Variants in CCZ1B observed in about 807,000 individuals in gnomAD.
The protein encoded by CCZ1B is vacuolar fusion protein CCZ1 homolog B.
A neutral mutation model predicts 58.8 loss-of-function variants in CCZ1B; 25 were observed. The ratio of observed to expected loss-of-function variants is 0.43; its 90% confidence interval spans 0.31 to 0.59. The LOEUF (loss-of-function observed/expected upper bound fraction) is 0.59, where lower values mean the gene tolerates loss of function less well. Ranked by LOEUF, CCZ1B falls within the 20% of genes least tolerant of loss-of-function variation. The pLI is 0.12. For synonymous variants in CCZ1B, 66 were observed against 173.2 expected, an observed-to-expected ratio of 0.38 and a Z score of 4.86; for missense variants, 180 against 501.5, an observed-to-expected ratio of 0.36 and a Z score of 6.12.
At chr7:6,801,768 G>GT (rs1782771088) in intron 12 of CCZ1B, among the ~76,000 whole-genome samples, 1 of 52,670 alleles carries the variant, frequency 1.9e-5, no homozygotes, top group Non-Finnish European at 3.5e-5. Flanking sequence ...TAGAGACGGG[G>GT]TTTCACCATG....
At chr7:6,820,941 C>T (rs952772438) in intron 6 of CCZ1B, among the ~76,000 whole-genome samples, 4 of 148,700 alleles carry the variant, frequency 2.7e-5, no homozygotes, top group African/African-American at 7.6e-5. Flanking sequence ...AATTAACTCC[C>T]TGCCTTAATG....
intron 7 of CCZ1B, among the ~76,000 whole-genome samples, chr7:6,816,122 G>T (rs1193006398): frequency 6.8e-6 from 1 of 147,630 alleles, no homozygotes; most frequent in Non-Finnish European, 1.5e-5. Context: ...TCTGGAACCG[G>T]TTTTTTAAAA....
intron 7 of CCZ1B, 100 bp downstream of exon 7, chr7:6,819,666 C>T (rs1157074263): frequency 5.0e-5 from 33 of 663,802 alleles, no homozygotes; most frequent in East Asian, 1.1e-4. Flanking sequence ...CCATCCTCCC[C>T]GCTGCAAGTT....
intron 7 of CCZ1B, among the ~76,000 whole-genome samples, chr7:6,818,500 G>C (rs1163389158): frequency 2.0e-5 from 3 of 149,024 alleles, no homozygotes; most frequent in Non-Finnish European, 3.0e-5. Context: ...AGTGAGCCAA[G>C]ATCGCGCCAC....
At chr7:6,819,123 GAAAAAA>G (rs1173368085) in intron 7 of CCZ1B, among the ~76,000 whole-genome samples, 2 of 65,658 alleles carry the variant, frequency 3.0e-5, no homozygotes, top group African/African-American at 6.7e-5. Flanking sequence ...ATCTCTATAA[GAAAAAA>G]AAAAAAAAAA....
At chr7:6,818,148 G>A (rs1202793156) in intron 7 of CCZ1B, among the ~76,000 whole-genome samples, 4 of 149,868 alleles carry the variant, frequency 2.7e-5, no homozygotes, top group African/African-American at 1.0e-4. Context: ...TTAAAATGGA[G>A]CTACAAGATT....
Position 6,818,163 on chromosome 7 carries a change from C to G in CCZ1B, c.698+1603G>C, listed in dbSNP as rs1229528417. Among the ~76,000 whole-genome samples, 2 of 149,656 alleles carry G rather than the reference C, an allele frequency of 1.3e-5. 1 individual carries two copies. The highest frequency in any genetic ancestry group is 3.0e-5 in the Non-Finnish European group (2 of 67,648). The stretch of plus-strand genomic sequence containing the variant: ...TTAAAATGGAGCTACAAGATTTTGG[C>G]AGGGAAGGTAAATTTTAGGGGAACT... On this transcript the variant is annotated intron_variant, in intron 7 of 14. Transcript: ENST00000316731.
intron 7 of CCZ1B, among the ~76,000 whole-genome samples, chr7:6,818,581 A>AAGAAAGACAGAC (rs1310140922): frequency 8.9e-6 from 1 of 112,490 alleles, no homozygotes; most frequent in Non-Finnish European, 1.9e-5. Flanking sequence ...GAAAGACAGA[A>AAGAAAGACAGAC]AGAAAGACAG....
intron 1 of CCZ1B, 105 bp downstream of exon 1, chr7:6,825,973 C>T (rs1783192334): frequency 2.3e-6 from 1 of 432,860 alleles, no homozygotes; most frequent in East Asian, 3.8e-5. Flanking sequence ...TCGCACCTGG[C>T]ACAATGCAGG....
Position 6,814,248 on chromosome 7 carries a change from C to G in CCZ1B, c.780+516G>C, listed in dbSNP as rs1456707740. Among the ~76,000 whole-genome samples, 4 of 145,776 alleles carry G rather than the reference C, an allele frequency of 2.7e-5. 1 individual carries two copies. The highest frequency in any genetic ancestry group is 1.0e-4 in the African/African-American group (4 of 38,910). ...ATGACTCACTCCTCTTAAAAACATG[C>G]TTTGTGGACTGGGGGCAGTGGCTCA... On this transcript the variant is annotated intron_variant, in intron 8 of 14. Coordinates refer to ENST00000316731, the MANE Select transcript of CCZ1B (RefSeq NM_198097.5).
intron 1 of CCZ1B, among the ~76,000 whole-genome samples, chr7:6,825,663 A>C (rs1394445659): frequency 4.8e-5 from 6 of 125,132 alleles, no homozygotes; most frequent in Middle Eastern, 3.7e-3. Context: ...ACACACACAC[A>C]CCCCTCCCGA....
At chr7:6,800,892 TA>T in intron 14 of CCZ1B, 55 bp downstream of exon 14, 1 of 590,410 alleles carries the variant, frequency 1.7e-6, no homozygotes, top group Non-Finnish European at 2.6e-6. Flanking sequence ...CCATGTTTCT[TA>T]ATGCAATGAA....
intron 4 of CCZ1B, chr7:6,823,836 A>G (rs1676540788): frequency 2.3e-6 from 1 of 433,704 alleles, no homozygotes; most frequent in Non-Finnish European, 3.8e-6. Flanking sequence ...TTTAAACTCT[A>G]ATTTGTCAAT....
chr7:6,815,748 TG>T (rs1235314534), intron 7 of CCZ1B, among the ~76,000 whole-genome samples: 1 of 149,282 alleles, frequency 6.7e-6, no homozygotes, highest in East Asian at 1.9e-4. Context: ...GTATTTTACA[TG>T]CCATTTGAGA....
Position 6,819,635 on chromosome 7 carries a change from A to G in CCZ1B, c.698+131T>C. ...ATAATCACTGCTTTATTTTGACAAT[A>G]TCTATGAAGATGCTTCCTACCCATC... On this transcript the variant is annotated intron_variant, in intron 7 of 14. Coordinates refer to ENST00000316731, the MANE Select transcript of CCZ1B (RefSeq NM_198097.5). 3 of 598,810 alleles carry G rather than the reference A, an allele frequency of 5.0e-6. No individual in the cohort carries two copies. In the South Asian group the frequency reaches 6.1e-5, roughly 12 times the overall value. The allele number at this position is 598,810 out of a possible 1,614,324, so 37.1% of individuals were successfully genotyped here.
Position 6,810,619 on chromosome 7 carries a change from A to G in CCZ1B, c.954+1333T>C, listed in dbSNP as rs554975116. Among the ~76,000 whole-genome samples, 30 of 147,812 alleles carry G rather than the reference A, an allele frequency of 2.0e-4. No homozygotes were observed. In the South Asian group the frequency reaches 6.2e-3, roughly 31 times the overall value. On this transcript the variant is annotated intron_variant, in intron 10 of 14. Transcript: ENST00000316731. ...ACATGAGCACTGCCATGCCTGGCTA[A>G]TTTTTAAACATTTTCCTGTCGACAC...
chr7:6,810,815 G>A lies in CCZ1B; in HGVS notation c.954+1137C>T, dbSNP rs577758451. Among the ~76,000 whole-genome samples, 163 of 149,194 alleles carry A rather than the reference G, an allele frequency of 1.1e-3. 17 individuals are homozygous for A. The highest frequency in any genetic ancestry group is 4.0e-3 in the African/African-American group (158 of 39,374). On this transcript the variant is annotated intron_variant, in intron 10 of 14. Coordinates refer to ENST00000316731, the MANE Select transcript of CCZ1B (RefSeq NM_198097.5). ...ATTTTTAAAGTTCTCGTCTGTCCTC[G>A]GAATCATGTTTCTTTCGAGACCTCT...
chr7:6,810,147 G>T (rs1436707017), intron 10 of CCZ1B, among the ~76,000 whole-genome samples: 24 of 149,826 alleles, frequency 1.6e-4, no homozygotes, highest in African/African-American at 6.0e-4. Flanking sequence ...GAGTAGCTGG[G>T]ATTAGAGGCG....
chr7:6,801,748 G>GT (rs1408846715), intron 12 of CCZ1B, among the ~76,000 whole-genome samples: 1 of 50,714 alleles, frequency 2.0e-5, no homozygotes, highest in African/African-American at 7.4e-5. Context: ...GCTAATTTTT[G>GT]TATTTTTAGT....
Sources: gnomAD v4.1 joint callset for allele counts (sites outside exome capture counted in the v4.1 genomes callset) on GRCh38, gnomAD v4.1.1 for gene constraint, MANE v1.5 for transcripts, NCBI Gene and HGNC (gene_info 2026-07-23, HGNC 2026-07-21) for gene names.